Variants in WDR25 observed in about 807,000 individuals in gnomAD.
WDR25 encodes the protein WD repeat-containing protein 25.
A neutral mutation model predicts 47.7 loss-of-function variants in WDR25; 35 were observed. That is an observed-to-expected ratio of 0.73 (90% confidence interval 0.56 to 0.97). The LOEUF is 0.97. Ranked by LOEUF, WDR25 falls within the 50% of genes least tolerant of loss-of-function variation. The pLI is 0.00. For synonymous variants in WDR25, 248 were observed against 278.9 expected (o/e 0.89, Z 1.10); for missense variants, 634 against 704.7 (o/e 0.90, Z 1.14).
At position 100,508,950 on chromosome 14, in the gene WDR25, T is replaced by G. The variant is rs143299718; in HGVS notation, c.1102-16920T>G. 7.1e-3 allele frequency among the ~76,000 whole-genome samples: 1,080 copies of G among 152,292 alleles called. 10 individuals are homozygous for G. The highest frequency in any genetic ancestry group is 0.025 in the African/African-American group (1,033 of 41,580). On this transcript the variant is annotated intron_variant, in intron 4 of 6. Transcript: ENST00000402312. ...TTTCCTATTTGGTTTTATGATATAT[T>G]GTCCTTATATAGAGTTTAATTCAAG...
At chr14:100,524,772 G>A (rs1340520286) in intron 4 of WDR25, among the ~76,000 whole-genome samples, 2 of 152,176 alleles carry the variant, frequency 1.3e-5, no homozygotes, top group African/African-American at 4.8e-5. Flanking sequence ...GTGACCTTGA[G>A]CAAATCCGTA....
At position 100,525,299 on chromosome 14, in the gene WDR25, T is replaced by C. The variant is rs1291610588; in HGVS notation, c.1102-571T>C. On this transcript the variant is annotated intron_variant, in intron 4 of 6. Coordinates refer to ENST00000402312, the MANE Select transcript of WDR25 (RefSeq NM_001161476.3). This position sits in a 1 kb window ranked among gnomAD's most constrained non-coding sequence, Gnocchi z 4.6. ...AACAACTGCTCAATACTTAATAAAGTCAGTTTATGAGACAGCAGACTGTGA... is the reference window on the plus strand; with the variant it reads ...AACAACTGCTCAATACTTAATAAAGCCAGTTTATGAGACAGCAGACTGTGA... Among the ~76,000 whole-genome samples the C allele has an allele frequency of 6.6e-6, 1 of 152,198 alleles. No individual in the cohort carries two copies. The highest frequency in any genetic ancestry group is 1.5e-5 in the Non-Finnish European group (1 of 68,042).
chr14:100,388,139 G>C (rs1340330221), intron 2 of WDR25, among the ~76,000 whole-genome samples: 4 of 152,172 alleles, frequency 2.6e-5, no homozygotes, highest in African/African-American at 4.8e-5. Context: ...AGGAGTTGTG[G>C]AGCATTATGC....
intron 4 of WDR25, among the ~76,000 whole-genome samples, chr14:100,511,749 G>A (rs1446785078): frequency 2.6e-5 from 4 of 152,148 alleles, no homozygotes; most frequent in African/African-American, 9.7e-5. Context: ...TTTTGTACAT[G>A]TCCCTATCAG....
chr14:100,380,963 A>G lies in WDR25; in HGVS notation c.39A>G (p.Val13=). 1 of 1,614,128 alleles carries G rather than the reference A, an allele frequency of 6.2e-7. No homozygotes were observed. The highest frequency in any genetic ancestry group is 8.5e-7 in the Non-Finnish European group (1 of 1,179,984). Residue 13 remains valine, a synonymous_variant, in exon 2 of 7, where the codon GTA becomes GTG. Transcript: ENST00000402312. The stretch of plus-strand genomic sequence containing the variant: ...CTCTGTCTTTAATGGCTTCATTGGT[A>G]GCGTATGATGATTCGGACTCGGAGG... The part of the protein sequence containing the change: ...ARTLSLMASL[V]AYDDSDSEAE...
intron 2 of WDR25, among the ~76,000 whole-genome samples, chr14:100,448,491 G>A (rs1898914553): frequency 6.6e-6 from 1 of 152,082 alleles, no homozygotes; most frequent in South Asian, 2.1e-4. Context: ...GTGAGTCATG[G>A]GCCTGCTAAC....
Position 100,404,209 on chromosome 14 carries a change from CCA to C in WDR25, c.822+22464_822+22465del, listed in dbSNP as rs1897466055. Among the ~76,000 whole-genome samples, 1 of 152,238 alleles carries C rather than the reference CCA, an allele frequency of 6.6e-6. No homozygotes were observed. The highest frequency in any genetic ancestry group is 1.5e-5 in the Non-Finnish European group (1 of 68,044). On this transcript the variant is annotated intron_variant, in intron 2 of 6. Transcript: ENST00000402312. This position sits in a 1 kb window ranked among gnomAD's most constrained non-coding sequence, Gnocchi z 4.6. ...GCCGATGGCATGCCCCAACCTGCGT[CCA>C]AGGACCTGGGGCTGAGAGGGCCTCA...
At chr14:100,417,787 TG>T (rs758229907) in intron 2 of WDR25, among the ~76,000 whole-genome samples, 7 of 152,222 alleles carry the variant, frequency 4.6e-5, no homozygotes, top group African/African-American at 7.2e-5. Flanking sequence ...GACTTCTTCC[TG>T]GCTGCAGTGA....
intron 2 of WDR25, among the ~76,000 whole-genome samples, chr14:100,458,858 AAC>A (rs1444962573): frequency 6.6e-6 from 1 of 152,212 alleles, no homozygotes; most frequent in Non-Finnish European, 1.5e-5. Flanking sequence ...TGCAAATGAA[AAC>A]ACAATATAAA....
chr14:100,510,561 C>A (rs992260310), intron 4 of WDR25, among the ~76,000 whole-genome samples: 4 of 151,414 alleles, frequency 2.6e-5, no homozygotes, highest in Admixed American at 6.6e-5. Flanking sequence ...CATGGTGAAA[C>A]CCCGTCTCTA....
intron 2 of WDR25, among the ~76,000 whole-genome samples, chr14:100,443,127 A>G (rs2140249725): frequency 6.6e-6 from 1 of 152,304 alleles, no homozygotes; most frequent in South Asian, 2.1e-4. Flanking sequence ...TTCACACCTT[A>G]GGCCAGGGCA....
chr14:100,390,391 C>CTGTG (rs55802109), intron 2 of WDR25, among the ~76,000 whole-genome samples: 11,186 of 146,606 alleles, frequency 0.076, 694 homozygotes, highest in African/African-American at 0.17. Flanking sequence ...TGACCAAAAG[C>CTGTG]TGTGTGTGTG....
intron 2 of WDR25, among the ~76,000 whole-genome samples, chr14:100,446,978 ATTC>A (rs1898856629): frequency 6.6e-6 from 1 of 152,242 alleles, no homozygotes; most frequent in Non-Finnish European, 1.5e-5. Context: ...CCATCACATG[ATTC>A]TTCTTAATCC....
rs561068686 is a variant in WDR25, at chr14:100,395,134, C to T, written c.822+13388C>T. Among the ~76,000 whole-genome samples, 5 of 152,268 alleles carry T rather than the reference C, an allele frequency of 3.3e-5. No individual in the cohort carries two copies. The South Asian group carries it at 6.2e-4, about 19-fold the overall frequency. On this transcript the variant is annotated intron_variant, in intron 2 of 6. Transcript: ENST00000402312. Reference sequence around the variant, plus strand: ...TGGTCAGTGGCCCAAGGCCAGATGGCGCTTCCTGTACTTGTGCTGGGTCAG... The same window carrying T: ...TGGTCAGTGGCCCAAGGCCAGATGGTGCTTCCTGTACTTGTGCTGGGTCAG...
At chr14:100,378,573 C>CT (rs1386541382) in intron 1 of WDR25, among the ~76,000 whole-genome samples, 1 of 152,182 alleles carries the variant, frequency 6.6e-6, no homozygotes, top group African/African-American at 2.4e-5. Flanking sequence ...TCCCTGCACA[C>CT]TTGGGTAGAC....
Position 100,449,387 on chromosome 14 carries a change from C to A in WDR25, c.823-18634C>A, listed in dbSNP as rs1213040993. On this transcript the variant is annotated intron_variant, in intron 2 of 6. Coordinates refer to ENST00000402312, the MANE Select transcript of WDR25 (RefSeq NM_001161476.3). This position sits in a 1 kb window ranked among gnomAD's most constrained non-coding sequence, Gnocchi z 4.2. ...GGAGCAGAGACAGCCTGGCACTGGCCTGTGGCGGTTGCCATGGCAGCAGGA... is the reference window on the plus strand; with the variant it reads ...GGAGCAGAGACAGCCTGGCACTGGCATGTGGCGGTTGCCATGGCAGCAGGA... 1.3e-5 allele frequency among the ~76,000 whole-genome samples: 2 copies of A among 152,238 alleles called. No homozygotes were observed. Among genetic ancestry groups the A allele is most frequent in the Admixed American group, 1.3e-4 (2 of 15,288 alleles).
chr14:100,487,740 C>A (rs1248408948), intron 4 of WDR25: 1 of 152,174 alleles, frequency 6.6e-6, no homozygotes, highest in Non-Finnish European at 1.5e-5. Flanking sequence ...AATCTCCAAA[C>A]AAACTATCAA....
At chr14:100,387,600 T>C (rs1264643020) in intron 2 of WDR25, among the ~76,000 whole-genome samples, 2 of 152,244 alleles carry the variant, frequency 1.3e-5, no homozygotes, top group African/African-American at 4.8e-5. Context: ...ATTACAGGCC[T>C]GAGAGGCCAC....
At position 100,498,970 on chromosome 14, in the gene WDR25, G is replaced by C. The variant is rs900727234; in HGVS notation, c.1101+14846G>C. ...CCCCCTGTGACTTGGGTGCAAGCAGGGTGTAGGGGTAGAGGCAAAAAAGGG... is the reference window on the plus strand; with the variant it reads ...CCCCCTGTGACTTGGGTGCAAGCAGCGTGTAGGGGTAGAGGCAAAAAAGGG... On this transcript the variant is annotated intron_variant, in intron 4 of 6. Transcript: ENST00000402312. The surrounding 1 kb of genome is among the most constrained non-coding windows in gnomAD (Gnocchi z 4.2). Among the ~76,000 whole-genome samples, 17 of 152,142 alleles carry C rather than the reference G, an allele frequency of 1.1e-4. No homozygotes were observed. The highest frequency in any genetic ancestry group is 5.9e-4 in the Admixed American group (9 of 15,284).
Sources: gnomAD v4.1 joint callset for allele counts (sites outside exome capture counted in the v4.1 genomes callset) on GRCh38, gnomAD v4.1.1 for gene constraint, Gnocchi (gnomAD v3.1) non-coding constraint, MANE v1.5 for transcripts, NCBI Gene and HGNC (gene_info 2026-07-23, HGNC 2026-07-21) for gene names.